The following RNF169 variants were observed in gnomAD, a reference collection of about 807,000 sequenced individuals.
RNF169 encodes the protein E3 ubiquitin-protein ligase RNF169.
In RNF169, 24 loss-of-function variants were observed where a neutral mutation model predicts 53.9. The observed-to-expected ratio is 0.45, with a 90% CI of 0.32 to 0.63. RNF169 has a LOEUF of 0.63. Ranked by LOEUF, RNF169 falls within the 20% of genes least tolerant of loss-of-function variation. The pLI is 0.04. For missense variants in RNF169, 883 were observed against 906.2 expected (o/e 0.97, Z 0.33); for synonymous variants, 396 against 363.5 (o/e 1.09, Z -1.02).
chr11:74,809,469 C>G (rs1209922001), intron 2 of RNF169, among the ~76,000 whole-genome samples: 1 of 152,192 alleles, frequency 6.6e-6, no homozygotes, highest in Non-Finnish European at 1.5e-5. Flanking sequence ...AAAGCCCATG[C>G]TATTTTGATA....
At chr11:74,808,140 A>G (rs1165180269) in intron 2 of RNF169, 1 of 152,134 alleles carries the variant, frequency 6.6e-6, no homozygotes, top group Non-Finnish European at 1.5e-5. Flanking sequence ...CAGGAGGATC[A>G]TTTGAGCTCA....
At chr11:74,770,953 G>C (rs1406096714) in intron 1 of RNF169, among the ~76,000 whole-genome samples, 5 of 152,010 alleles carry the variant, frequency 3.3e-5, no homozygotes, top group Non-Finnish European at 7.4e-5. Flanking sequence ...TTACAGGCCA[G>C]TGCCCCCATG....
Position 74,754,743 on chromosome 11 carries a change from C to T in RNF169, c.502+5361C>T, listed in dbSNP as rs190923798. On this transcript the variant is annotated intron_variant, in intron 1 of 5. Transcript: ENST00000299563. Reference sequence around the variant, plus strand: ...GCTGAGGCAGGAGATTCGCTTCAACCCGGGAGGTAGAGGTTGCAGTGAGCC... The same window carrying T: ...GCTGAGGCAGGAGATTCGCTTCAACTCGGGAGGTAGAGGTTGCAGTGAGCC... 2.0e-4 allele frequency among the ~76,000 whole-genome samples: 31 copies of T among 152,268 alleles called. No homozygotes were observed. In the East Asian group the frequency reaches 3.7e-3, roughly 18 times the overall value.
intron 2 of RNF169, among the ~76,000 whole-genome samples, chr11:74,792,455 GCAGCGGTGCAGTCTTGGCTCACCA>G (rs1432035521): frequency 6.6e-6 from 1 of 152,104 alleles, no homozygotes; most frequent in Non-Finnish European, 1.5e-5. Flanking sequence ...AGGCTGGAGT[GCAGCGGTGCAGTCTTGGCTCACCA>G]CAACCTCTGC....
chr11:74,814,547 G>GT (rs916851033), intron 3 of RNF169, among the ~76,000 whole-genome samples: 6 of 149,590 alleles, frequency 4.0e-5, no homozygotes, highest in Non-Finnish European at 5.9e-5. Context: ...TGCCTGACTA[G>GT]TTTTTTTTTC....
chr11:74,798,378 G>A lies in RNF169; in HGVS notation c.576+8679G>A, dbSNP rs1172944577. Among the ~76,000 whole-genome samples the A allele has an allele frequency of 3.9e-5, 6 of 152,154 alleles. 1 individual carries two copies. The highest frequency in any genetic ancestry group is 4.1e-4 in the South Asian group (2 of 4,824). ...CTGGGCGTGGTCATCTCTTATAGTC[G>A]AGACTGCAGAGATGCAATAGACTTC... On this transcript the variant is annotated intron_variant, in intron 2 of 5. Coordinates refer to ENST00000299563, the MANE Select transcript of RNF169 (RefSeq NM_001098638.2).
chr11:74,757,071 T>G (rs1044319423), intron 1 of RNF169, among the ~76,000 whole-genome samples: 3 of 145,852 alleles, frequency 2.1e-5, no homozygotes, highest in African/African-American at 7.8e-5. Flanking sequence ...TATGTATACA[T>G]GTGCCATGCT....
chr11:74,791,144 A>G (rs368623698), intron 2 of RNF169, among the ~76,000 whole-genome samples: 1 of 152,002 alleles, frequency 6.6e-6, no homozygotes, highest in African/African-American at 2.4e-5. Context: ...CCGGACATCT[A>G]CTCAGCTCTC....
chr11:74,835,518 A>C (rs1487712405), intron 5 of RNF169, 28 bp from the exon 6 acceptor site: 5 of 1,536,690 alleles, frequency 3.3e-6, no homozygotes, highest in Non-Finnish European at 4.5e-6. Context: ...TGTGTGTATG[A>C]AGGCATAATC....
At chr11:74,814,979 G>C (rs2035924268) in intron 3 of RNF169, among the ~76,000 whole-genome samples, 1 of 152,130 alleles carries the variant, frequency 6.6e-6, no homozygotes, top group Non-Finnish European at 1.5e-5. Context: ...CCCACCAGTA[G>C]TATGTGAGGA....
At chr11:74,769,155 A>G (rs1040193037) in intron 1 of RNF169, among the ~76,000 whole-genome samples, 2 of 152,246 alleles carry the variant, frequency 1.3e-5, no homozygotes, top group African/African-American at 4.8e-5. Flanking sequence ...TCCAACATAT[A>G]TGAACTACAA....
chr11:74,770,924 G>C (rs547236245), intron 1 of RNF169, among the ~76,000 whole-genome samples: 1 of 152,224 alleles, frequency 6.6e-6, no homozygotes, highest in East Asian at 1.9e-4. Context: ...TCCTGCCTCA[G>C]CCTCCCGAGT....
chr11:74,836,332 C>T lies in RNF169; in HGVS notation c.1729C>T (p.Leu577=). 1 of 1,614,150 alleles carries T rather than the reference C, an allele frequency of 6.2e-7. No individual in the cohort carries two copies. Among genetic ancestry groups the T allele is most frequent in the African/African-American group, 1.3e-5 (1 of 75,030 alleles). The part of the protein sequence containing the change: ...AMKITTVNSV[L]PQNSVLGGVL... ...GAAAATCACCACAGTTAATTCAGTG[C>T]TACCCCAAAACAGTGTTTTGGGTGG... The change falls in exon 6 of 6, where the codon CTA becomes TTA. Residue 577 remains leucine, a synonymous_variant. Transcript: ENST00000299563.
intron 5 of RNF169, among the ~76,000 whole-genome samples, chr11:74,835,172 A>G (rs1387594202): frequency 6.6e-6 from 1 of 152,076 alleles, no homozygotes; most frequent in African/African-American, 2.4e-5. Context: ...TTTTGTAGAG[A>G]TGGGATCTTG....
At chr11:74,783,709 T>C (rs1419140121) in intron 1 of RNF169, among the ~76,000 whole-genome samples, 5 of 152,192 alleles carry the variant, frequency 3.3e-5, no homozygotes, top group African/African-American at 1.2e-4. Flanking sequence ...TGCTCTGCTT[T>C]GTGGTGGGGT....
At chr11:74,763,753 G>A (rs942840632) in intron 1 of RNF169, among the ~76,000 whole-genome samples, 12 of 152,222 alleles carry the variant, frequency 7.9e-5, no homozygotes, top group African/African-American at 2.9e-4. Context: ...TGGAGGAGAT[G>A]TGGAATTTGA....
chr11:74,770,549 G>A (rs2035245127), intron 1 of RNF169, among the ~76,000 whole-genome samples: 1 of 152,146 alleles, frequency 6.6e-6, no homozygotes, highest in Non-Finnish European at 1.5e-5. Context: ...CCAGTAGCTC[G>A]CTATTTTTTT....
At chr11:74,834,614 C>G (rs1209822409) in intron 4 of RNF169, 62 bp from the exon 5 acceptor site, 3 of 1,203,786 alleles carry the variant, frequency 2.5e-6, no homozygotes, top group Non-Finnish European at 3.5e-6. Context: ...TATTGTCATC[C>G]TTTTTCCTTA....
chr11:74,802,908 GAACA>G (rs2035752554), intron 2 of RNF169, among the ~76,000 whole-genome samples: 1 of 134,980 alleles, frequency 7.4e-6, no homozygotes, highest in South Asian at 2.6e-4. Context: ...ACAAGTAATT[GAACA>G]CAAGTAATTT....
Sources: gnomAD v4.1 joint callset for allele counts (sites outside exome capture counted in the v4.1 genomes callset) on GRCh38, gnomAD v4.1.1 for gene constraint, MANE v1.5 for transcripts, NCBI Gene and HGNC (gene_info 2026-07-23, HGNC 2026-07-21) for gene names.